Variants in RFT1 observed in about 807,000 individuals in gnomAD.
RFT1 encodes man(5)GlcNAc(2)-PP-dolichol translocation protein RFT1.
Under a neutral mutation model 62.2 loss-of-function variants are expected in RFT1, and 43 were observed. The ratio of observed to expected loss-of-function variants is 0.69; its 90% CI spans 0.54 to 0.89. The LOEUF is 0.89. Among genes scored for constraint, RFT1 ranks in the 40% least tolerant of loss-of-function variants. The probability of loss-of-function intolerance (pLI) is 0.00; values close to 1 mark genes in which losing one functional copy is unlikely to be tolerated. For synonymous variants in RFT1, 262 were observed against 264.6 expected, an observed-to-expected ratio of 0.99 and a Z score of 0.10; for missense variants, 605 against 649.9, an observed-to-expected ratio of 0.93 and a Z score of 0.75.
chr3:53,069,378 A>G, the RFT1 span, among the ~76,000 whole-genome samples: 1 of 152,212 alleles, frequency 6.6e-6, no homozygotes, highest in African/African-American at 2.4e-5. Context: ...TAACTTGTAA[A>G]GGGTTTATTG....
the RFT1 span, among the ~76,000 whole-genome samples, chr3:53,068,260 T>C: frequency 6.6e-6 from 1 of 151,420 alleles, no homozygotes; most frequent in Non-Finnish European, 1.5e-5. Context: ...GCACCAGCCC[T>C]GTCTCAGACT....
intron 9 of RFT1, among the ~76,000 whole-genome samples, chr3:53,105,349 G>T (rs1559587214): frequency 6.6e-6 from 1 of 152,106 alleles, no homozygotes; most frequent in Non-Finnish European, 1.5e-5. Context: ...GGGAGGTGGA[G>T]GTTGCAGTGA....
At chr3:53,112,302 T>C (rs919305962) in intron 6 of RFT1, among the ~76,000 whole-genome samples, 1 of 152,248 alleles carries the variant, frequency 6.6e-6, no homozygotes, top group African/African-American at 2.4e-5. Context: ...TGTAATGCTA[T>C]GTTCAGCCAT....
intron 1 of RFT1, 72 bp from the exon 2 acceptor site, chr3:53,126,066 A>C: frequency 4.2e-6 from 5 of 1,201,674 alleles, no homozygotes; most frequent in Non-Finnish European, 6.1e-6. Flanking sequence ...AATGAGAACA[A>C]TGTGGCTGTT....
chr3:53,114,194 C>T (rs564240602), intron 6 of RFT1, among the ~76,000 whole-genome samples: 1 of 152,188 alleles, frequency 6.6e-6, no homozygotes, highest in Non-Finnish European at 1.5e-5. Context: ...CTGCTCCTCA[C>T]CCCTTGCCAT....
At chr3:53,087,840 C>A (rs1230648632), downstream of RFT1, among the ~76,000 whole-genome samples, 1 of 152,136 alleles carries the variant, frequency 6.6e-6, no homozygotes. Context: ...ATTCTTTTTT[C>A]TTTTTTCCTC....
rs1472487128 is a variant in RFT1, at chr3:53,111,434, T to C, written c.775+396A>G. ...AAAAAAAAAATGATAAAAATACTTT[T>C]ATGTAACTGATATAATACTTTCATA... On this transcript the variant is annotated intron_variant, in intron 7 of 12. Coordinates refer to ENST00000296292, the MANE Select transcript of RFT1 (RefSeq NM_052859.4). Among the ~76,000 whole-genome samples the C allele has an allele frequency of 2.6e-5, 4 of 152,240 alleles. No homozygotes were observed. The East Asian group carries it at 7.7e-4, about 29-fold the overall frequency.
chr3:53,104,321 T>C (rs1196052283), intron 9 of RFT1, among the ~76,000 whole-genome samples: 1 of 152,182 alleles, frequency 6.6e-6, no homozygotes, highest in Non-Finnish European at 1.5e-5. Flanking sequence ...AGTTTTCAAT[T>C]CACTTGGGAT....
At chr3:53,111,688 G>A (rs1701652850) in intron 7 of RFT1, 142 bp downstream of exon 7, 6 of 734,224 alleles carry the variant, frequency 8.2e-6, no homozygotes, top group East Asian at 2.6e-5. Context: ...TTCTCTCTCC[G>A]TATTAAGCCC....
chr3:53,073,500 C>A, the RFT1 span, among the ~76,000 whole-genome samples: 1 of 152,250 alleles, frequency 6.6e-6, no homozygotes, highest in African/African-American at 2.4e-5. Context: ...ATAAAGCAGG[C>A]CTTTCCTTGC....
intron 6 of RFT1, among the ~76,000 whole-genome samples, chr3:53,116,675 C>T (rs1374382048): frequency 1.3e-5 from 2 of 151,200 alleles, no homozygotes; most frequent in East Asian, 3.9e-4. Context: ...GATCTCAGCT[C>T]ACTGCAACCT....
chr3:53,105,892 T>TA, intron 8 of RFT1, 89 bp from the exon 9 acceptor site: 1 of 1,214,708 alleles, frequency 8.2e-7, no homozygotes, highest in East Asian at 2.8e-5. Context: ...ATATTTTCAT[T>TA]AAAGTTTGTT....
chr3:53,071,603 G>T, the RFT1 span, among the ~76,000 whole-genome samples: 1 of 152,186 alleles, frequency 6.6e-6, no homozygotes, highest in Admixed American at 6.5e-5. Flanking sequence ...AGCCATGTTG[G>T]GTCTCCATGC....
At position 53,092,060 on chromosome 3, in the gene RFT1, C is replaced by A; in HGVS notation, c.1469G>T (p.Cys490Phe). Residue 490 changes from cysteine to phenylalanine, a missense_variant, in exon 13 of 13, where the codon TGC becomes TTC. Physicochemically the swap from Cys to Phe is radical, Grantham distance 205. Transcript: ENST00000296292. ...GVTAVSEVFL[C>F]CEQGWPARLA... ...TCTGGCTGGCCAGCCCTGCTCACAG[C>A]AGAGGAATACCTGGGGAAAGAAACC... 6.2e-7 allele frequency: 1 copy of A among 1,614,258 alleles called. No homozygotes were observed. The highest frequency in any genetic ancestry group is 8.5e-7 in the Non-Finnish European group (1 of 1,180,052).
rs959788937 is a variant in RFT1 at position 53,091,248 on chromosome 3, C to T, written c.*655G>A. ...CACTCTGGGTCAAGTATGTGCTGAC[C>T]TGGGGCGGCGGGGAACAGTGTGATC... On this transcript the variant is annotated 3_prime_UTR_variant, in exon 13 of 13. Transcript: ENST00000296292. 1 of 155,332 alleles carries T rather than the reference C, an allele frequency of 6.4e-6. No homozygotes were observed. Among genetic ancestry groups the T allele is most frequent in the Non-Finnish European group, 1.4e-5 (1 of 69,956 alleles). The allele number at this position is 155,332 out of a possible 1,614,324, so 9.6% of individuals were successfully genotyped here. A position where few individuals can be genotyped will look rare whatever the true frequency, so the allele number is the denominator to read the frequency against.
Position 53,130,361 on chromosome 3 carries a change from C to T in RFT1, c.40G>A (p.Ala14Thr), listed in dbSNP as rs867198544. 4.5e-6 allele frequency: 7 copies of T among 1,567,810 alleles called. No individual in the cohort carries two copies. Among genetic ancestry groups the T allele is most frequent in the Non-Finnish European group, 6.1e-6 (7 of 1,156,734 alleles). The change falls in exon 1 of 13, where the codon GCC (alanine) becomes ACC (threonine). Residue 14 changes from alanine (A) to threonine (T), a missense_variant. By Grantham distance (58) the Ala-to-Thr change is moderately conservative (BLOSUM62 0). Coordinates refer to ENST00000296292, the MANE Select transcript of RFT1 (RefSeq NM_052859.4). ...ACCTGCAGGAGGAGACCGGAGGAGG[C>T]CAGCCGGGCCGCGTGGCCCAGCACC... is the stretch of plus-strand genomic sequence containing the variant. ...QEVLGHAARL[A>T]SSGLLLQVLF... is the part of the protein sequence containing the mutation.
downstream of RFT1, among the ~76,000 whole-genome samples, chr3:53,084,775 A>G (rs1486209601): frequency 1.3e-5 from 2 of 152,232 alleles, no homozygotes; most frequent in Non-Finnish European, 2.9e-5. Flanking sequence ...TAGAGTCAAT[A>G]GGGTCATAAC....
chr3:53,105,774 A>G lies in RFT1; in HGVS notation c.856T>C (p.Ser286Pro). 6.2e-7 allele frequency: 1 copy of G among 1,613,900 alleles called. No individual in the cohort carries two copies. The change falls in exon 9 of 13, where the codon TCC (serine) becomes CCC (proline). Residue 286 changes from serine to proline, a missense_variant. By Grantham distance (74) the Ser-to-Pro change is moderately conservative. Coordinates refer to ENST00000296292, the MANE Select transcript of RFT1 (RefSeq NM_052859.4). The stretch of plus-strand genomic sequence containing the variant: ...TGGAAAATTAATCTGGCCACAAGGG[A>G]GCCAAGATTATTCACTATATCATAC... ...GVYDIVNNLG[S>P]LVARLIFQPI...
chr3:53,072,707 A>G, the RFT1 span, among the ~76,000 whole-genome samples: 1 of 152,236 alleles, frequency 6.6e-6, no homozygotes, highest in South Asian at 2.1e-4. Context: ...TTTCGGACGC[A>G]TCGCAGCCTC....
Sources: gnomAD v4.1 joint callset for allele counts (sites outside exome capture counted in the v4.1 genomes callset) on GRCh38, gnomAD v4.1.1 for gene constraint, MANE v1.5 for transcripts, NCBI Gene and HGNC (gene_info 2026-07-23, HGNC 2026-07-21) for gene names.